The following SLC35F5 variants were observed in gnomAD, a reference collection of about 807,000 sequenced individuals.
SLC35F5 encodes HCV NS5A-transactivated protein 3.
In SLC35F5, 54 loss-of-function variants were observed where a neutral mutation model predicts 68.6. That is an observed-to-expected ratio of 0.79 (90% CI 0.63 to 0.99). The LOEUF (loss-of-function observed/expected upper bound fraction) is 0.99. Among genes scored for constraint, SLC35F5 ranks in the 50% least tolerant of loss-of-function variants. The pLI is 0.00. For missense variants in SLC35F5, 567 were observed against 626.9 expected (o/e 0.90, Z 1.02); for synonymous variants, 211 against 205.2 (o/e 1.03, Z -0.24).
chr2:113,738,741 A>C (rs1688182192), intron 7 of SLC35F5, among the ~76,000 whole-genome samples: 1 of 152,098 alleles, frequency 6.6e-6, no homozygotes, highest in Non-Finnish European at 1.5e-5. Flanking sequence ...CTTTTGATCT[A>C]CACTGTCCAG....
At chr2:113,738,251 C>T (rs1020821014) in intron 7 of SLC35F5, among the ~76,000 whole-genome samples, 4 of 152,102 alleles carry the variant, frequency 2.6e-5, no homozygotes, top group Non-Finnish European at 5.9e-5. Flanking sequence ...CCAACACGTC[C>T]CCATTTCCCT....
At position 113,711,363 on chromosome 2, in the gene SLC35F5, CTA is replaced by C. The variant is rs1686975095; in HGVS notation, c.*3853_*3854del. Among the ~76,000 whole-genome samples, 1 of 152,070 alleles carries C rather than the reference CTA, an allele frequency of 6.6e-6. No individual in the cohort carries two copies. Among genetic ancestry groups the C allele is most frequent in the Non-Finnish European group, 1.5e-5 (1 of 68,028 alleles). ...ATACAGAAAATTTTGTAGGAAAACA[CTA>C]TTTTTTAAATGTAGTAACATTAAAA... is the stretch of plus-strand genomic sequence containing the variant. On this transcript the variant is annotated 3_prime_UTR_variant, in exon 16 of 16. Coordinates refer to ENST00000245680, the MANE Select transcript of SLC35F5 (RefSeq NM_025181.5).
intron 11 of SLC35F5, chr2:113,725,945 T>C (rs1559329483): frequency 6.5e-6 from 1 of 153,900 alleles, no homozygotes; most frequent in East Asian, 1.9e-4. Context: ...GATTCAATTA[T>C]TTATGTCCAA....
At chr2:113,744,874 T>G (rs761744700) in intron 5 of SLC35F5, among the ~76,000 whole-genome samples, 7 of 152,226 alleles carry the variant, frequency 4.6e-5, no homozygotes, top group Non-Finnish European at 7.3e-5. Context: ...TATTTTTAGG[T>G]AGTTATAAAT....
In SLC35F5 at chr2:113,708,773, C is replaced by T. The variant is rs1457611377; in HGVS notation, c.*6445G>A. Among the ~76,000 whole-genome samples, 6 of 152,080 alleles carry T rather than the reference C, an allele frequency of 3.9e-5. No individual in the cohort carries two copies. Among genetic ancestry groups the T allele is most frequent in the Non-Finnish European group, 8.8e-5 (6 of 67,988 alleles). ...TGCTATAGTAAATTAATCATACACT[C>T]AAAATTTTAGCTTGGATTTGTTTTG... On this transcript the variant is annotated 3_prime_UTR_variant, in exon 16 of 16. Coordinates refer to ENST00000245680, the MANE Select transcript of SLC35F5 (RefSeq NM_025181.5).
rs747084469 is a variant in SLC35F5, at chr2:113,742,733, C to A, written c.709G>T (p.Ala237Ser). 2 of 1,613,830 alleles carry A rather than the reference C, an allele frequency of 1.2e-6. No individual in the cohort carries two copies. The highest frequency in any genetic ancestry group is 2.7e-5 in the African/African-American group (2 of 74,906). ...SILKTVGKLTATQVAKISFFF... is the reference protein window; with the variant it reads ...SILKTVGKLTSTQVAKISFFF... ...AAGCTAATTTTCGCTACTTGAGTTG[C>A]AGTAAGTTTCCCCACAGTTTTCAGT... Residue 237 changes from alanine to serine, a missense_variant, in exon 7 of 16, where the codon GCA (alanine) becomes TCA (serine). Transcript: ENST00000245680.
At chr2:113,719,502 C>A in intron 13 of SLC35F5, 194 bp from the exon 14 acceptor site, 1 of 443,770 alleles carries the variant, frequency 2.3e-6, no homozygotes, top group Non-Finnish European at 3.8e-6. Flanking sequence ...ATTCCATGCA[C>A]CTAAATTACC....
At chr2:113,727,212 T>C (rs1012183658) in intron 11 of SLC35F5, among the ~76,000 whole-genome samples, 2 of 152,180 alleles carry the variant, frequency 1.3e-5, no homozygotes, top group African/African-American at 2.4e-5. Context: ...CCTTACGTCA[T>C]GATTGTAAGT....
At chr2:113,732,570 C>T (rs1319481717) in intron 9 of SLC35F5, among the ~76,000 whole-genome samples, 2 of 152,124 alleles carry the variant, frequency 1.3e-5, no homozygotes, top group Non-Finnish European at 2.9e-5. Context: ...AATATGCAAA[C>T]CCTTCAATTA....
At chr2:113,715,808 A>T (rs1242927791) in intron 15 of SLC35F5, among the ~76,000 whole-genome samples, 1 of 152,130 alleles carries the variant, frequency 6.6e-6, no homozygotes, top group African/African-American at 2.4e-5. Flanking sequence ...GTCACAGTTT[A>T]TAAGAACCTA....
At chr2:113,745,147 C>G (rs1370698888) in intron 5 of SLC35F5, among the ~76,000 whole-genome samples, 1 of 152,174 alleles carries the variant, frequency 6.6e-6, no homozygotes, top group Non-Finnish European at 1.5e-5. Flanking sequence ...ATCCATCTTA[C>G]AGATAATAGT....
At chr2:113,703,381 G>T (rs912062775), downstream of SLC35F5, among the ~76,000 whole-genome samples, 1 of 152,158 alleles carries the variant, frequency 6.6e-6, no homozygotes, top group Non-Finnish European at 1.5e-5. Context: ...CTTAGGCGTA[G>T]GAAAAATGTA....
At position 113,714,062 on chromosome 2, in the gene SLC35F5, G is replaced by A. The variant is rs559678280; in HGVS notation, c.*1156C>T. On this transcript the variant is annotated 3_prime_UTR_variant, in exon 16 of 16. Coordinates refer to ENST00000245680, the MANE Select transcript of SLC35F5 (RefSeq NM_025181.5). The stretch of plus-strand genomic sequence containing the variant: ...GGGACATACGTTTACTGATATCTAT[G>A]GTGAATAGAGTCCAGGAGCAGTTGC... 13 of 152,224 alleles carry A rather than the reference G, an allele frequency of 8.5e-5. No individual in the cohort carries two copies. The highest frequency in any genetic ancestry group is 2.6e-4 in the African/African-American group (11 of 41,570). 9.4% of individuals were successfully genotyped at this position (152,224 alleles called of 1,614,324 possible). A position where few individuals can be genotyped will look rare whatever the true frequency, so the allele number is the denominator to read the frequency against.
In SLC35F5 at chr2:113,712,279, TG is replaced by T. The variant is rs1286210734; in HGVS notation, c.*2938del. On this transcript the variant is annotated 3_prime_UTR_variant, in exon 16 of 16. Coordinates refer to ENST00000245680, the MANE Select transcript of SLC35F5 (RefSeq NM_025181.5). ...GTATGGGTGCATTACATAAACCTAA[TG>T]GTTCTTCTAAGCTTCAAAAAGCATT... Among the ~76,000 whole-genome samples, 1 of 152,192 alleles carries T rather than the reference TG, an allele frequency of 6.6e-6. No homozygotes were observed. Among genetic ancestry groups the T allele is most frequent in the Admixed American group, 6.5e-5 (1 of 15,284 alleles).
chr2:113,753,298 C>T (rs894048999), intron 3 of SLC35F5, among the ~76,000 whole-genome samples: 2 of 150,280 alleles, frequency 1.3e-5, no homozygotes, highest in South Asian at 4.2e-4. Context: ...CCTGCCTCAG[C>T]CTCCAGAGTA....
chr2:113,706,147 G>A (rs1271022647), downstream of SLC35F5, among the ~76,000 whole-genome samples: 1 of 152,136 alleles, frequency 6.6e-6, no homozygotes, highest in East Asian at 1.9e-4. Context: ...TTCTGAGCCT[G>A]CTTGACCTGA....
intron 15 of SLC35F5, among the ~76,000 whole-genome samples, chr2:113,716,470 A>G (rs1281303877): frequency 1.3e-5 from 2 of 152,210 alleles, no homozygotes; most frequent in Non-Finnish European, 2.9e-5. Context: ...ATCTATCCAA[A>G]GTTATGCAAC....
At chr2:113,704,165 G>T (rs35192494), downstream of SLC35F5, 12,190 of 152,474 alleles carry the variant, frequency 0.08, 638 homozygotes, top group Non-Finnish European at 0.12. Context: ...GGGAACCCCA[G>T]CGAGTCGCCA....
intron 15 of SLC35F5, among the ~76,000 whole-genome samples, chr2:113,715,955 A>AT (rs976986933): frequency 3.3e-5 from 5 of 152,078 alleles, no homozygotes; most frequent in African/African-American, 1.2e-4. Context: ...AAAAAAATAT[A>AT]TTTTTTAACA....
Sources: allele counts gnomAD v4.1 joint callset (sites outside exome capture counted in the v4.1 genomes callset), GRCh38; gene constraint gnomAD v4.1.1; transcripts MANE v1.5; gene names NCBI Gene and HGNC (gene_info 2026-07-23, HGNC 2026-07-21).